STK10: variants seen among roughly 807,000 people sequenced by gnomAD.
STK10 encodes serine/threonine-protein kinase 10.
A neutral mutation model predicts 113.8 loss-of-function variants in STK10; 78 were observed. The observed-to-expected ratio is 0.69, with a 90% CI of 0.57 to 0.83. The LOEUF is 0.83. STK10 is among the 40% of genes least tolerant of loss of function. The probability of loss-of-function intolerance (pLI) is 0.00; values close to 1 mark genes in which losing one functional copy is unlikely to be tolerated. For missense variants in STK10, 1,109 were observed against 1,280.1 expected, an observed-to-expected ratio of 0.87 and a Z score of 2.04; for synonymous variants, 465 against 494.7, an observed-to-expected ratio of 0.94 and a Z score of 0.80.
intron 7 of STK10, among the ~76,000 whole-genome samples, chr5:172,105,394 G>A (rs1291214434): frequency 5.9e-5 from 9 of 152,060 alleles, no homozygotes; most frequent in South Asian, 4.2e-4. Flanking sequence ...CCCCTGCCAC[G>A]CACACATACT....
chr5:172,056,954 G>GGAAGGAAGGAAGGAAGGAAAGAAAGAAA (rs1491424918), intron 15 of STK10: 1 of 78,966 alleles, frequency 1.3e-5, no homozygotes, highest in Non-Finnish European at 2.4e-5. Context: ...AAAGAAAGAA[G>GGAAGGAAGGAAGGAAGGAAAGAAAGAAA]GAAAGAAAGA....
chr5:172,057,375 G>A lies in STK10; in HGVS notation c.2311C>T (p.His771Tyr). 1 of 1,567,616 alleles carries A rather than the reference G, an allele frequency of 6.4e-7. No individual in the cohort carries two copies. The highest frequency in any genetic ancestry group is 8.6e-7 in the Non-Finnish European group (1 of 1,156,222). ...QLKDQYFLQR[H>Y]ELLRKHEKER... is the part of the protein sequence containing the mutation. ...TTCTCATGCTTGCGCAGCAGCTCGT[G>A]CCGCTGGAGGAAGTACTGGTCTTTG... The change falls in exon 15 of 19, where the codon CAC becomes TAC. Residue 771 changes from histidine (H) to tyrosine (Y), a missense_variant. His to Tyr is a moderately conservative substitution (Grantham distance 83). Transcript: ENST00000176763.
Position 172,055,714 on chromosome 5 carries a change from T to C in STK10, c.2400A>G (p.Gln800=). The change falls in exon 16 of 19, where the codon CAA becomes CAG. Residue 800 remains glutamine, a synonymous_variant. Transcript: ENST00000176763. ...RMIEQLKVRQ[Q]QEKARLPKIQ... Reference sequence around the variant, plus strand: ...TCTTGGGCAGCCGCGCCTTTTCCTGTTGCTGCCGCACCTTCAGCTGCTCTA... The same window carrying C: ...TCTTGGGCAGCCGCGCCTTTTCCTGCTGCTGCCGCACCTTCAGCTGCTCTA... 1 of 1,582,328 alleles carries C rather than the reference T, an allele frequency of 6.3e-7. No homozygotes were observed. The highest frequency in any genetic ancestry group is 8.6e-7 in the Non-Finnish European group (1 of 1,161,250).
At chr5:172,057,821 G>A (rs1243554142) in intron 14 of STK10, among the ~76,000 whole-genome samples, 1 of 152,166 alleles carries the variant, frequency 6.6e-6, no homozygotes, top group Non-Finnish European at 1.5e-5. Flanking sequence ...TCTGCCAGAT[G>A]GACACAGCTA....
chr5:172,138,945 C>T (rs1430170920), intron 2 of STK10, among the ~76,000 whole-genome samples: 6 of 152,112 alleles, frequency 3.9e-5, no homozygotes, highest in Non-Finnish European at 7.4e-5. Flanking sequence ...ACCCAGGAGG[C>T]GGAGCTTGCA....
At chr5:172,166,084 C>T (rs529418800) in intron 1 of STK10, among the ~76,000 whole-genome samples, 2 of 152,330 alleles carry the variant, frequency 1.3e-5, no homozygotes, top group East Asian at 3.9e-4. Context: ...TGAGCCACTG[C>T]GCTCGGCCAG....
chr5:172,158,792 G>C (rs1181604440), intron 1 of STK10, among the ~76,000 whole-genome samples: 3 of 152,174 alleles, frequency 2.0e-5, no homozygotes, highest in Non-Finnish European at 2.9e-5. Flanking sequence ...CCAGACACAG[G>C]AAACATAGTG....
At chr5:172,090,159 A>G (rs1768665712) in intron 10 of STK10, 73 bp downstream of exon 10, 1 of 1,576,158 alleles carries the variant, frequency 6.3e-7, no homozygotes, top group Non-Finnish European at 8.6e-7. Context: ...CCCTCTCACC[A>G]AAGGACCAAT....
At chr5:172,182,441 C>T (rs1481860941) in intron 1 of STK10, among the ~76,000 whole-genome samples, 1 of 151,636 alleles carries the variant, frequency 6.6e-6, no homozygotes, top group Non-Finnish European at 1.5e-5. Flanking sequence ...AGTGCAGAGG[C>T]GTGGGTGCAG....
At chr5:172,174,389 C>T (rs1472298765) in intron 1 of STK10, among the ~76,000 whole-genome samples, 1 of 152,074 alleles carries the variant, frequency 6.6e-6, no homozygotes, top group African/African-American at 2.4e-5. Context: ...CCAGGCTGGT[C>T]TCGAACTCTT....
At chr5:172,066,050 A>C (rs1768062591) in intron 12 of STK10, among the ~76,000 whole-genome samples, 1 of 152,174 alleles carries the variant, frequency 6.6e-6, no homozygotes, top group Admixed American at 6.6e-5. Context: ...ACACCTTCAC[A>C]GGTGCCTAAT....
chr5:172,090,497 C>T (rs1375178895), intron 9 of STK10, 135 bp from the exon 10 acceptor site: 2 of 1,264,834 alleles, frequency 1.6e-6, no homozygotes, highest in African/African-American at 1.5e-5. Context: ...CATCCATCGT[C>T]CCTCTTGCCT....
At chr5:172,078,910 T>TCCTCTGTCGCCTCCTC (rs1021538764) in intron 12 of STK10, among the ~76,000 whole-genome samples, 1 of 149,102 alleles carries the variant, frequency 6.7e-6, no homozygotes, top group African/African-American at 2.5e-5. Flanking sequence ...CTAGGCAACT[T>TCCTCTGTCGCCTCCTC]CCTCTGTCGC....
Position 172,187,758 on chromosome 5 carries a change from G to T in STK10, c.156+129C>A. ...AAAAACAAGAGTCATCGGGATGAGG[G>T]CCAGGGACCCCGAATTCAGCGCCGG... On this transcript the variant is annotated intron_variant, in intron 1 of 18. Coordinates refer to ENST00000176763, the MANE Select transcript of STK10 (RefSeq NM_005990.4). The surrounding 1 kb of genome is among the most constrained non-coding windows in gnomAD (Gnocchi z 4.6). The T allele has an allele frequency of 7.3e-7, 1 of 1,375,614 alleles. No homozygotes were observed. The highest frequency in any genetic ancestry group is 9.8e-7 in the Non-Finnish European group (1 of 1,017,768). The allele number at this position is 1,375,614 out of a possible 1,614,324, so 85.2% of individuals were successfully genotyped here.
intron 18 of STK10, among the ~76,000 whole-genome samples, chr5:172,049,892 C>T (rs1212158894): frequency 1.3e-5 from 2 of 152,082 alleles, no homozygotes; most frequent in East Asian, 1.9e-4. Context: ...AAACTCTGCC[C>T]GCCGGGTTCA....
At chr5:172,127,002 A>C (rs1769634346) in intron 3 of STK10, among the ~76,000 whole-genome samples, 1 of 152,032 alleles carries the variant, frequency 6.6e-6, no homozygotes, top group Non-Finnish European at 1.5e-5. Flanking sequence ...CTCCATCTCT[A>C]CTAAAAATAC....
intron 2 of STK10, among the ~76,000 whole-genome samples, chr5:172,140,168 C>T (rs1015024682): frequency 7.9e-5 from 12 of 152,142 alleles, no homozygotes; most frequent in African/African-American, 2.9e-4. Flanking sequence ...TACAAATGTC[C>T]AACAGGTAAA....
chr5:172,084,387 C>T (rs1426366216), intron 10 of STK10, among the ~76,000 whole-genome samples: 6 of 148,936 alleles, frequency 4.0e-5, no homozygotes, highest in Admixed American at 4.0e-4. Flanking sequence ...GCAACAAGGG[C>T]AAAATTCTGT....
chr5:172,187,329 A>C lies in STK10; in HGVS notation c.156+558T>G, dbSNP rs1581196339. ...CTCCCCCTCTGACCAGCCCCAACCC[A>C]CCTTTCCAAGCCCCACCTCTCAGTC... On this transcript the variant is annotated intron_variant, in intron 1 of 18. Transcript: ENST00000176763. This position sits in a 1 kb window ranked among gnomAD's most constrained non-coding sequence, Gnocchi z 4.6. Among the ~76,000 whole-genome samples the C allele has an allele frequency of 7.7e-5, 11 of 143,516 alleles. No homozygotes were observed. The highest frequency in any genetic ancestry group is 4.1e-4 in the East Asian group (2 of 4,868). The allele number at this position is 143,516 out of a possible 152,430, so 94.2% of individuals were successfully genotyped here. A position where few individuals can be genotyped will look rare whatever the true frequency, so the allele number is the denominator to read the frequency against.
Sources: allele counts gnomAD v4.1 joint callset (sites outside exome capture counted in the v4.1 genomes callset), GRCh38; gene constraint gnomAD v4.1.1; non-coding constraint Gnocchi (gnomAD v3.1); transcripts MANE v1.5; gene names NCBI Gene and HGNC (gene_info 2026-07-23, HGNC 2026-07-21).